Variants in JHY observed in about 807,000 individuals in gnomAD.
JHY encodes junctional cadherin complex regulator.
A neutral mutation model predicts 78.0 loss-of-function variants in JHY; 69 were observed. The observed-to-expected ratio is 0.88, with a 90% CI of 0.73 to 1.08. The LOEUF is 1.08. Among genes scored for constraint, JHY ranks in the 50% least tolerant of loss-of-function variants. The probability of loss-of-function intolerance (pLI) is 0.00; values close to 1 mark genes in which losing one functional copy is unlikely to be tolerated. For synonymous variants in JHY, 368 were observed against 342.6 expected, an observed-to-expected ratio of 1.07 and a Z score of -0.82; for missense variants, 944 against 927.8, an observed-to-expected ratio of 1.02 and a Z score of -0.23.
At chr11:122,896,308 A>C (rs1233340447) in intron 2 of JHY, among the ~76,000 whole-genome samples, 1 of 128,816 alleles carries the variant, frequency 7.8e-6, no homozygotes, top group Non-Finnish European at 1.5e-5. Flanking sequence ...GCACCACTGC[A>C]CTCCAGCCTG....
At chr11:122,900,442 A>G (rs1379516302) in intron 2 of JHY, among the ~76,000 whole-genome samples, 1 of 150,690 alleles carries the variant, frequency 6.6e-6, no homozygotes, top group Non-Finnish European at 1.5e-5. Context: ...TACTGTACTC[A>G]AGGAAGGAAA....
chr11:122,914,459 T>G (rs927542611), intron 3 of JHY, among the ~76,000 whole-genome samples: 1 of 152,186 alleles, frequency 6.6e-6, no homozygotes, highest in Admixed American at 6.5e-5. Flanking sequence ...TTGTTTGTTT[T>G]TTTGAGACAG....
chr11:122,884,630 CGTAA>C (rs1222769087), intron 1 of JHY, among the ~76,000 whole-genome samples: 1 of 152,084 alleles, frequency 6.6e-6, no homozygotes, highest in Non-Finnish European at 1.5e-5. Context: ...GAATCACACT[CGTAA>C]GTGAGTTGGA....
In JHY at chr11:122,961,227, A is replaced by T. The variant is rs537748912; in HGVS notation, c.*1782A>T. On this transcript the variant is annotated 3_prime_UTR_variant, in exon 9 of 9. Coordinates refer to ENST00000227349, the MANE Select transcript of JHY (RefSeq NM_024806.4). ...CCTAAAAATGAAACATTTGTTCCCTATACTGAGAGAACTCAATCTATTGGC... is the reference window on the plus strand; with the variant it reads ...CCTAAAAATGAAACATTTGTTCCCTTTACTGAGAGAACTCAATCTATTGGC... 2 of 442,348 alleles carry T rather than the reference A, an allele frequency of 4.5e-6. No homozygotes were observed. Among genetic ancestry groups the T allele is most frequent in the Non-Finnish European group, 8.5e-6 (2 of 234,166 alleles). The allele number at this position is 442,348 out of a possible 1,614,324, so 27.4% of individuals were successfully genotyped here.
intron 4 of JHY, among the ~76,000 whole-genome samples, chr11:122,933,743 A>G (rs1456554480): frequency 6.6e-6 from 1 of 152,204 alleles, no homozygotes; most frequent in African/African-American, 2.4e-5. Context: ...GACCAGCATG[A>G]GTAAAAAGAT....
Position 122,886,191 on chromosome 11 carries a change from C to T in JHY, c.342C>T (p.Asn114=). ...ATACCTGGGACCAGGGCGCCAATAA[C>T]AGGTAAGGAATTGGCTTGTGTAAGA... The part of the protein sequence containing the change: ...NHHTWDQGAN[N]RQQPIEDKYS... The change falls in exon 2 of 9, where the codon AAC becomes AAT. Residue 114 remains asparagine (N), a splice_region_variant and synonymous_variant. Coordinates refer to ENST00000227349, the MANE Select transcript of JHY (RefSeq NM_024806.4). 1 of 1,608,008 alleles carries T rather than the reference C, an allele frequency of 6.2e-7. No homozygotes were observed. Among genetic ancestry groups the T allele is most frequent in the Non-Finnish European group, 8.5e-7 (1 of 1,176,554 alleles).
At position 122,960,621 on chromosome 11, in the gene JHY, C is replaced by A. The variant is rs879250393; in HGVS notation, c.*1176C>A. Reference sequence around the variant, plus strand: ...ATCCAAAGAAATATACATGATTACCCCAGAGACCTTTTCTACTATATCAAT... The same window carrying A: ...ATCCAAAGAAATATACATGATTACCACAGAGACCTTTTCTACTATATCAAT... On this transcript the variant is annotated 3_prime_UTR_variant, in exon 9 of 9. Transcript: ENST00000227349. 18 of 314,592 alleles carry A rather than the reference C, an allele frequency of 5.7e-5. No individual in the cohort carries two copies. In the South Asian group the frequency reaches 6.8e-4, roughly 12 times the overall value. 19.5% of individuals were successfully genotyped at this position (314,592 alleles called of 1,614,324 possible).
intron 2 of JHY, among the ~76,000 whole-genome samples, chr11:122,900,038 G>A (rs917381040): frequency 2.6e-5 from 4 of 152,240 alleles, no homozygotes; most frequent in Admixed American, 2.6e-4. Context: ...CAAAGCCCCA[G>A]AGGCAGGTGA....
chr11:122,885,089 C>T (rs1474031085), intron 1 of JHY, among the ~76,000 whole-genome samples: 3 of 151,542 alleles, frequency 2.0e-5, no homozygotes, highest in East Asian at 3.9e-4. Context: ...GTATTACAGG[C>T]GTGATTGTTG....
chr11:122,924,873 G>A, intron 3 of JHY, 24 bp from the exon 4 acceptor site: 1 of 1,560,498 alleles, frequency 6.4e-7, no homozygotes, highest in Non-Finnish European at 8.8e-7. Flanking sequence ...CAGTTAACAT[G>A]CTGTATGTGT....
chr11:122,956,156 C>CA (rs371179969), intron 6 of JHY, among the ~76,000 whole-genome samples: 6,521 of 144,938 alleles, frequency 0.045, 186 homozygotes, highest in South Asian at 0.098. Context: ...CAGGTATCTC[C>CA]AAAAAAAAAA....
rs755419249 is a variant in JHY, at chr11:122,904,034, G to A, written c.454G>A (p.Asp152Asn). Reference protein sequence around the residue: ...LSVEALPESTDSSLENLPLAP... With the variant: ...LSVEALPESTNSSLENLPLAP... The stretch of plus-strand genomic sequence containing the variant: ...TGTGGAAGCGTTGCCGGAGTCCACG[G>A]ACAGCTCTTTAGAAAATCTGCCTTT... The change falls in exon 3 of 9, where the codon GAC becomes AAC. Residue 152 changes from aspartate to asparagine, a missense_variant. By Grantham distance (23) the Asp-to-Asn change is conservative. Transcript: ENST00000227349. 6.2e-7 allele frequency: 1 copy of A among 1,614,128 alleles called. No individual in the cohort carries two copies. The highest frequency in any genetic ancestry group is 2.2e-5 in the East Asian group (1 of 44,872).
intron 3 of JHY, among the ~76,000 whole-genome samples, chr11:122,922,809 C>CAAAAAAAAAAAAAAAAAAAAAAAAAA (rs571482464): frequency 2.3e-5 from 1 of 44,356 alleles, no homozygotes; most frequent in African/African-American, 4.5e-5. Context: ...GACTCCGTCT[C>CAAAAAAAAAAAAAAAAAAAAAAAAAA]AAAAAAAAAA....
intron 5 of JHY, among the ~76,000 whole-genome samples, chr11:122,941,070 C>G (rs1863866531): frequency 6.6e-6 from 1 of 152,102 alleles, no homozygotes; most frequent in Non-Finnish European, 1.5e-5. Flanking sequence ...GTAATATGTT[C>G]TAGGTTTACC....
intron 5 of JHY, among the ~76,000 whole-genome samples, chr11:122,936,265 A>G (rs181655243): frequency 6.6e-6 from 1 of 152,336 alleles, no homozygotes; most frequent in East Asian, 1.9e-4. Context: ...TGTGTGAGGC[A>G]CCTTCAAGGA....
rs961146755 is a variant in JHY, at chr11:122,959,718, A to G, written c.*273A>G. The G allele has an allele frequency of 9.1e-6, 3 of 331,036 alleles. No homozygotes were observed. The highest frequency in any genetic ancestry group is 6.5e-5 in the African/African-American group (3 of 46,222). The allele number at this position is 331,036 out of a possible 1,614,324, so 20.5% of individuals were successfully genotyped here. A position where few individuals can be genotyped will look rare whatever the true frequency, so the allele number is the denominator to read the frequency against. On this transcript the variant is annotated 3_prime_UTR_variant, in exon 9 of 9. Transcript: ENST00000227349. Reference sequence around the variant, plus strand: ...CTAGAGAATAAAGCTTTTGTTTTATATTGATCTTTTGATTTCTTCATCTCT... The same window carrying G: ...CTAGAGAATAAAGCTTTTGTTTTATGTTGATCTTTTGATTTCTTCATCTCT...
chr11:122,961,804 T>C lies in JHY; in HGVS notation c.*2359T>C, dbSNP rs897703091. ...AAACACAAATAAATAAAGAATAAAG[T>C]TGAAAAAAAATGAAGGTACATCTGG... On this transcript the variant is annotated 3_prime_UTR_variant, in exon 9 of 9. Coordinates refer to ENST00000227349, the MANE Select transcript of JHY (RefSeq NM_024806.4). Among the ~76,000 whole-genome samples the C allele has an allele frequency of 6.6e-6, 1 of 152,076 alleles. No homozygotes were observed. Among genetic ancestry groups the C allele is most frequent in the Non-Finnish European group, 1.5e-5 (1 of 68,020 alleles).
chr11:122,891,432 C>T (rs1165036545), intron 2 of JHY, among the ~76,000 whole-genome samples: 2 of 152,094 alleles, frequency 1.3e-5, no homozygotes, highest in Non-Finnish European at 2.9e-5. Context: ...GAGAGGGGAT[C>T]TTCACGTGAT....
At chr11:122,895,512 T>C (rs1862721621) in intron 2 of JHY, among the ~76,000 whole-genome samples, 1 of 152,242 alleles carries the variant, frequency 6.6e-6, no homozygotes, top group Non-Finnish European at 1.5e-5. Context: ...GAGACTTTAT[T>C]TTATTTGGTT....
Sources: gnomAD v4.1 joint callset for allele counts (sites outside exome capture counted in the v4.1 genomes callset) on GRCh38, gnomAD v4.1.1 for gene constraint, MANE v1.5 for transcripts, NCBI Gene and HGNC (gene_info 2026-07-23, HGNC 2026-07-21) for gene names.